The following RORA variants were observed in gnomAD, a reference collection of about 807,000 sequenced individuals.
RORA encodes the protein nuclear receptor ROR-alpha.
In RORA, 7 loss-of-function variants were observed where a neutral mutation model predicts 69.5. That is an observed-to-expected ratio of 0.10 (90% CI 0.06 to 0.19). The LOEUF is 0.19. Among genes scored for constraint, RORA ranks in the 10% least tolerant of loss-of-function variants. The pLI is 1.00. For missense variants in RORA, 457 were observed against 663.0 expected (o/e 0.69, Z 3.41); for synonymous variants, 261 against 240.8 (o/e 1.08, Z -0.78).
chr15:61,186,292 C>T (rs918716351), intron 1 of RORA, among the ~76,000 whole-genome samples: 2 of 152,112 alleles, frequency 1.3e-5, no homozygotes, highest in Admixed American at 1.3e-4. Context: ...AGGATTATCC[C>T]TGTAATTCTA....
intron 1 of RORA, among the ~76,000 whole-genome samples, chr15:61,001,073 A>G (rs1431357619): frequency 6.6e-6 from 1 of 152,202 alleles, no homozygotes; most frequent in Non-Finnish European, 1.5e-5. Context: ...AAATTACCTT[A>G]TTATTGGGCA....
intron 1 of RORA, among the ~76,000 whole-genome samples, chr15:61,072,383 T>C (rs546752570): frequency 6.6e-6 from 1 of 152,304 alleles, no homozygotes; most frequent in South Asian, 2.1e-4. Flanking sequence ...CATGGGATAA[T>C]ATCCAGAGTG....
chr15:60,947,688 TAAAAAAAAA>T (rs35887206), intron 1 of RORA, among the ~76,000 whole-genome samples: 1 of 102,952 alleles, frequency 9.7e-6, no homozygotes, highest in Admixed American at 1.1e-4. Context: ...GAATGATCAA[TAAAAAAAAA>T]AAAAAAAAAA....
intron 1 of RORA, among the ~76,000 whole-genome samples, chr15:61,203,906 T>G (rs2079916564): frequency 6.6e-6 from 1 of 152,226 alleles, no homozygotes; most frequent in Non-Finnish European, 1.5e-5. Flanking sequence ...GCCAAGCCGT[T>G]GACAATGTGG....
chr15:60,949,157 C>A (rs1002913101), intron 1 of RORA, among the ~76,000 whole-genome samples: 2 of 152,162 alleles, frequency 1.3e-5, no homozygotes, highest in South Asian at 4.1e-4. Flanking sequence ...TTGTTACACC[C>A]AGTAGCACAC....
intron 1 of RORA, among the ~76,000 whole-genome samples, chr15:61,052,339 A>G (rs2078026543): frequency 6.6e-6 from 1 of 152,228 alleles, no homozygotes; most frequent in Non-Finnish European, 1.5e-5. Context: ...GGTCCACTGG[A>G]AAGCTAGAAT....
intron 1 of RORA, among the ~76,000 whole-genome samples, chr15:60,737,435 GT>G (rs1190019972): frequency 2.0e-5 from 3 of 152,138 alleles, no homozygotes; most frequent in Non-Finnish European, 4.4e-5. Flanking sequence ...GCTTCTCAGG[GT>G]GTGGCCTCTG....
At chr15:61,215,670 G>C (rs1237773497) in intron 1 of RORA, among the ~76,000 whole-genome samples, 1 of 152,146 alleles carries the variant, frequency 6.6e-6, no homozygotes, top group Non-Finnish European at 1.5e-5. Context: ...ATTTATATAT[G>C]TGGCTGTGTA....
chr15:60,640,092 G>A (rs1262321829), intron 2 of RORA, among the ~76,000 whole-genome samples: 1 of 152,152 alleles, frequency 6.6e-6, no homozygotes, highest in African/African-American at 2.4e-5. Context: ...TAACTTCTCT[G>A]AGCCTGAGAG....
At chr15:60,865,151 G>A (rs371635120) in intron 1 of RORA, among the ~76,000 whole-genome samples, 23 of 152,220 alleles carry the variant, frequency 1.5e-4, no homozygotes, top group African/African-American at 4.6e-4. Flanking sequence ...GAAAGAGAAA[G>A]ATGTTTGATA....
intron 1 of RORA, among the ~76,000 whole-genome samples, chr15:60,803,280 C>T (rs577302499): frequency 5.3e-5 from 8 of 152,172 alleles, no homozygotes; most frequent in African/African-American, 1.9e-4. Context: ...TCGGCCCCTT[C>T]GGACCAGCTG....
intron 2 of RORA, among the ~76,000 whole-genome samples, chr15:60,587,108 T>G (rs1157190415): frequency 6.6e-6 from 1 of 152,200 alleles, no homozygotes; most frequent in Admixed American, 6.5e-5. Flanking sequence ...TATAGATATA[T>G]CTCTCAATTC....
intron 1 of RORA, among the ~76,000 whole-genome samples, chr15:61,179,524 T>C (rs2079662600): frequency 6.6e-6 from 1 of 152,234 alleles, no homozygotes; most frequent in South Asian, 2.1e-4. Flanking sequence ...AATTATTTTC[T>C]CTATTTTCAG....
chr15:60,946,542 T>C (rs1288533086), intron 1 of RORA, among the ~76,000 whole-genome samples: 1 of 152,246 alleles, frequency 6.6e-6, no homozygotes, highest in East Asian at 1.9e-4. Flanking sequence ...GTTGCCGGGA[T>C]TGCAGACGGA....
At chr15:61,077,515 T>C (rs2078470713) in intron 1 of RORA, among the ~76,000 whole-genome samples, 2 of 152,130 alleles carry the variant, frequency 1.3e-5, no homozygotes, top group East Asian at 1.9e-4. Flanking sequence ...TTGCCCATAC[T>C]GCCCTTCCAT....
In RORA at chr15:60,597,512, TACACACAC is replaced by T. The variant is rs56774445; in HGVS notation, c.197-65669_197-65662del. Among the ~76,000 whole-genome samples, 80 of 43,222 alleles carry T rather than the reference TACACACAC, an allele frequency of 1.9e-3. 5 individuals carry two copies. Among genetic ancestry groups the T allele is most frequent in the South Asian group, 3.9e-3 (3 of 776 alleles). 28.4% of individuals were successfully genotyped at this position (43,222 alleles called of 152,430 possible). ...CTATACCTGGCAGTGGTACAGGAGATACACACACACACACACACACACACACACACACA... is the reference window on the plus strand; with the variant it reads ...CTATACCTGGCAGTGGTACAGGAGATACACACACACACACACACACACACA... On this transcript the variant is annotated intron_variant, in intron 2 of 10. Coordinates refer to ENST00000335670, the MANE Select transcript of RORA (RefSeq NM_134261.3).
chr15:60,769,655 G>T (rs548363651), intron 1 of RORA, among the ~76,000 whole-genome samples: 1 of 152,078 alleles, frequency 6.6e-6, no homozygotes, highest in Non-Finnish European at 1.5e-5. Flanking sequence ...CTCATGCCAC[G>T]AGTGTGCCTC....
intron 1 of RORA, among the ~76,000 whole-genome samples, chr15:60,738,156 C>G (rs1434171629): frequency 1.3e-5 from 2 of 152,194 alleles, no homozygotes; most frequent in African/African-American, 2.4e-5. Flanking sequence ...GAGACCGTAG[C>G]AGCTTCTGTT....
chr15:61,202,485 A>G (rs1392972859), intron 1 of RORA, among the ~76,000 whole-genome samples: 2 of 152,206 alleles, frequency 1.3e-5, no homozygotes, highest in African/African-American at 2.4e-5. Flanking sequence ...AGCAAAAAGA[A>G]TAAGAAGAAA....
Sources: allele counts gnomAD v4.1 joint callset (sites outside exome capture counted in the v4.1 genomes callset), GRCh38; gene constraint gnomAD v4.1.1; transcripts MANE v1.5; gene names NCBI Gene and HGNC (gene_info 2026-07-23, HGNC 2026-07-21).